The following EVI5 variants were observed in gnomAD, a reference collection of about 807,000 sequenced individuals.
EVI5 encodes the protein ecotropic viral integration site 5, also known as ecotropic viral integration site 5 protein homolog.
Under a neutral mutation model 112.0 loss-of-function variants are expected in EVI5, and 73 were observed. The ratio of observed to expected loss-of-function variants is 0.65; its 90% confidence interval spans 0.54 to 0.79. EVI5 has a LOEUF of 0.79. Among genes scored for constraint, EVI5 ranks in the 30% least tolerant of loss-of-function variants. EVI5 has a pLI of 0.00. For missense variants in EVI5, 900 were observed against 968.8 expected, an observed-to-expected ratio of 0.93 and a Z score of 0.94; for synonymous variants, 305 against 319.9, an observed-to-expected ratio of 0.95 and a Z score of 0.50.
intron 18 of EVI5, among the ~76,000 whole-genome samples, chr1:92,567,884 G>A (rs1669739897): frequency 6.6e-6 from 1 of 152,014 alleles, no homozygotes; most frequent in Non-Finnish European, 1.5e-5. Flanking sequence ...CCCATATTTA[G>A]GAAAAATATA....
At chr1:92,590,812 CAG>C (rs1412195597) in intron 18 of EVI5, among the ~76,000 whole-genome samples, 4 of 152,212 alleles carry the variant, frequency 2.6e-5, no homozygotes, top group African/African-American at 9.6e-5. Flanking sequence ...ACGTAATTGT[CAG>C]ATTCATCAAA....
At chr1:92,588,039 T>A (rs909256165) in intron 18 of EVI5, among the ~76,000 whole-genome samples, 7 of 152,188 alleles carry the variant, frequency 4.6e-5, no homozygotes, top group African/African-American at 1.7e-4. Flanking sequence ...TAGAGATAGC[T>A]CCATTTAGTA....
chr1:92,723,808 G>A (rs1472415347), intron 2 of EVI5, among the ~76,000 whole-genome samples: 1 of 152,132 alleles, frequency 6.6e-6, no homozygotes, highest in African/African-American at 2.4e-5. Context: ...AAATATCGCT[G>A]AATTATTTTC....
chr1:92,636,354 A>G lies in EVI5; in HGVS notation c.1393-18T>C, dbSNP rs776050044. The G allele has an allele frequency of 6.2e-7, 1 of 1,606,706 alleles. No individual in the cohort carries two copies. ...CATTTATGCTAAAGGTTACAGACAT[A>G]CACTGAAATTTCATGAAAGTATAAA... is the stretch of plus-strand genomic sequence containing the variant. On this transcript the variant is annotated intron_variant, in intron 13 of 19. Transcript: ENST00000684568.
At chr1:92,754,740 T>C (rs1680658758) in intron 1 of EVI5, among the ~76,000 whole-genome samples, 1 of 152,228 alleles carries the variant, frequency 6.6e-6, no homozygotes, top group African/African-American at 2.4e-5. Context: ...TTACATGATT[T>C]AGCTTCATAA....
At chr1:92,646,830 A>C (rs1393127027) in intron 13 of EVI5, among the ~76,000 whole-genome samples, 1 of 152,222 alleles carries the variant, frequency 6.6e-6, no homozygotes, top group Non-Finnish European at 1.5e-5. Context: ...CAACTTTGAT[A>C]CAATTTCAGA....
chr1:92,676,785 A>G (rs1666817341), intron 10 of EVI5, among the ~76,000 whole-genome samples: 1 of 152,156 alleles, frequency 6.6e-6, no homozygotes. Flanking sequence ...CTAGTGTAAT[A>G]TATGCTCTAT....
intron 2 of EVI5, among the ~76,000 whole-genome samples, chr1:92,712,706 A>T (rs1673027887): frequency 6.6e-6 from 1 of 152,078 alleles, no homozygotes; most frequent in Non-Finnish European, 1.5e-5. Context: ...TTAAATAGAG[A>T]CTTGAAAATA....
At chr1:92,655,620 A>G (rs1228234784) in intron 13 of EVI5, among the ~76,000 whole-genome samples, 1 of 152,200 alleles carries the variant, frequency 6.6e-6, no homozygotes, top group Non-Finnish European at 1.5e-5. Context: ...TGAAGGAAAA[A>G]GGGTAGAAAA....
intron 14 of EVI5, among the ~76,000 whole-genome samples, chr1:92,634,187 T>G (rs1362323867): frequency 2.0e-5 from 3 of 152,156 alleles, no homozygotes; most frequent in African/African-American, 7.2e-5. Flanking sequence ...AGGAGTATCT[T>G]TGTGGTATTC....
intron 18 of EVI5, among the ~76,000 whole-genome samples, chr1:92,589,649 C>A (rs1673434828): frequency 6.6e-6 from 1 of 152,220 alleles, no homozygotes; most frequent in African/African-American, 2.4e-5. Context: ...CACTGCAGCT[C>A]AAGGAGGCCT....
rs182997978 is a variant in EVI5, at chr1:92,600,302, C to G, written c.2070+5005G>C. Reference sequence around the variant, plus strand: ...TTGTCATAAAAGTCAGGATAGGGAACAGGGTGTGACTGAATAGACTTCTTG... The same window carrying G: ...TTGTCATAAAAGTCAGGATAGGGAAGAGGGTGTGACTGAATAGACTTCTTG... On this transcript the variant is annotated intron_variant, in intron 18 of 19. Transcript: ENST00000684568. 3.9e-5 allele frequency among the ~76,000 whole-genome samples: 6 copies of G among 152,224 alleles called. No individual in the cohort carries two copies. In the East Asian group the frequency reaches 7.7e-4, roughly 20 times the overall value.
intron 18 of EVI5, among the ~76,000 whole-genome samples, chr1:92,579,887 A>G (rs1439977471): frequency 2.0e-5 from 3 of 152,204 alleles, no homozygotes. Context: ...GAAATGTATT[A>G]TAGTTTGTAC....
chr1:92,616,433 C>A (rs181341631), intron 16 of EVI5, among the ~76,000 whole-genome samples: 2 of 152,282 alleles, frequency 1.3e-5, no homozygotes, highest in East Asian at 3.9e-4. Context: ...GTAGGCATAG[C>A]TACTGTCATG....
chr1:92,654,123 G>A (rs1662623867), intron 13 of EVI5, among the ~76,000 whole-genome samples: 1 of 152,028 alleles, frequency 6.6e-6, no homozygotes, highest in African/African-American at 2.4e-5. Flanking sequence ...GGTGAGCAGA[G>A]AGCTCAAGCC....
chr1:92,549,355 A>G (rs1381745601), intron 19 of EVI5, among the ~76,000 whole-genome samples: 14 of 152,224 alleles, frequency 9.2e-5, no homozygotes, highest in African/African-American at 1.4e-4. Context: ...ATTCAAGATG[A>G]ATTAAAGACT....
chr1:92,696,240 C>T (rs1670301536), intron 6 of EVI5, among the ~76,000 whole-genome samples: 1 of 152,024 alleles, frequency 6.6e-6, no homozygotes, highest in Non-Finnish European at 1.5e-5. Flanking sequence ...CCATAAATGA[C>T]ACATTAATTG....
At chr1:92,652,448 C>T (rs565956048) in intron 13 of EVI5, among the ~76,000 whole-genome samples, 1 of 152,222 alleles carries the variant, frequency 6.6e-6, no homozygotes, top group Admixed American at 6.5e-5. Context: ...TATAAATGTA[C>T]TTAATGACAC....
intron 1 of EVI5, among the ~76,000 whole-genome samples, chr1:92,742,258 C>T (rs1195617880): frequency 1.3e-5 from 2 of 151,980 alleles, no homozygotes; most frequent in Non-Finnish European, 2.9e-5. Flanking sequence ...TGAGGTCTTG[C>T]TATATTGCCC....
Sources: allele counts gnomAD v4.1 joint callset (sites outside exome capture counted in the v4.1 genomes callset), GRCh38; gene constraint gnomAD v4.1.1; transcripts MANE v1.5; gene names NCBI Gene and HGNC (gene_info 2026-07-23, HGNC 2026-07-21).